Variants in NEK11 observed in about 807,000 individuals in gnomAD.
The protein encoded by NEK11 is serine/threonine-protein kinase Nek11.
NEK11 carries 72 observed loss-of-function variants against 80.7 expected under a neutral mutation model. That is an observed-to-expected ratio of 0.89 (90% CI 0.74 to 1.08). The LOEUF (loss-of-function observed/expected upper bound fraction) is 1.08. NEK11 is among the 50% of genes least tolerant of loss of function. NEK11 has a pLI of 0.00. For missense variants in NEK11, 764 were observed against 763.6 expected (o/e 1.00, Z -0.01); for synonymous variants, 251 against 260.7 (o/e 0.96, Z 0.36).
intron 16 of NEK11, among the ~76,000 whole-genome samples, chr3:131,267,150 A>G (rs1243935751): frequency 6.6e-6 from 1 of 152,218 alleles, no homozygotes; most frequent in Non-Finnish European, 1.5e-5. Context: ...CCAATTTGCT[A>G]GTCCATGTCT....
At chr3:131,087,157 G>A (rs4682648) in intron 4 of NEK11, among the ~76,000 whole-genome samples, 42,363 of 151,200 alleles carry the variant, frequency 0.28, 6,317 homozygotes, top group South Asian at 0.39. Flanking sequence ...TAGAAGTAAA[G>A]CTAGTTTTTA....
chr3:131,032,371 T>C (rs764240488), intron 3 of NEK11, among the ~76,000 whole-genome samples: 1 of 152,242 alleles, frequency 6.6e-6, no homozygotes, highest in Non-Finnish European at 1.5e-5. Context: ...GTAGCCACAA[T>C]GGACTGCTAA....
intron 14 of NEK11, among the ~76,000 whole-genome samples, chr3:131,219,122 A>G (rs575355896): frequency 1.3e-5 from 2 of 152,356 alleles, no homozygotes; most frequent in Non-Finnish European, 2.9e-5. Context: ...TATTCACAAT[A>G]GCAAAGACCT....
chr3:131,061,711 T>G (rs2070903405), intron 3 of NEK11, among the ~76,000 whole-genome samples: 1 of 152,192 alleles, frequency 6.6e-6, no homozygotes, highest in Admixed American at 6.5e-5. Context: ...AAAATAAGAC[T>G]TAGCATATTG....
intron 5 of NEK11, among the ~76,000 whole-genome samples, chr3:131,131,153 C>T (rs542171791): frequency 5.9e-5 from 9 of 152,306 alleles, no homozygotes; most frequent in Non-Finnish European, 1.2e-4. Context: ...TTTTCATCTA[C>T]ATTCATCAGA....
intron 3 of NEK11, among the ~76,000 whole-genome samples, chr3:131,048,322 T>C (rs2067761212): frequency 6.6e-6 from 1 of 152,128 alleles, no homozygotes; most frequent in Admixed American, 6.5e-5. Context: ...GGAAACTGCG[T>C]TTGGTCAAAA....
intron 16 of NEK11, among the ~76,000 whole-genome samples, chr3:131,260,115 G>A (rs111556063): frequency 1.3e-5 from 2 of 152,146 alleles, no homozygotes; most frequent in African/African-American, 4.8e-5. Context: ...CATCTGGAGA[G>A]GTGGAGAAAT....
In NEK11 at chr3:131,228,682, C is replaced by G. The variant is rs2095265262; in HGVS notation, c.1554C>G (p.Asn518Lys). The G allele has an allele frequency of 6.2e-7, 1 of 1,612,264 alleles. No homozygotes were observed. Among genetic ancestry groups the G allele is most frequent in the Non-Finnish European group, 8.5e-7 (1 of 1,178,922 alleles). Residue 518 changes from asparagine to lysine, a missense_variant, in exon 15 of 18, where the codon AAC (asparagine) becomes AAG (lysine). Physicochemically the swap from Asn to Lys is moderately conservative, Grantham distance 94. Coordinates refer to ENST00000383366, the MANE Select transcript of NEK11 (RefSeq NM_024800.5). Reference protein sequence around the residue: ...NEGSQPAYRTNQQDSDIEALA... With the variant: ...NEGSQPAYRTKQQDSDIEALA... ...GATCCCAGCCTGCTTACAGAACAAA[C>G]CAACAGGTATGTAATGCTCCCTGTC... is the stretch of plus-strand genomic sequence containing the variant.
At chr3:131,074,897 C>G (rs927506971) in intron 3 of NEK11, among the ~76,000 whole-genome samples, 33 of 152,292 alleles carry the variant, frequency 2.2e-4, no homozygotes, top group African/African-American at 7.0e-4. Context: ...TGGGACTGAG[C>G]TCTCTTGGAG....
At chr3:131,283,572 C>A (rs1257027560) in intron 17 of NEK11, among the ~76,000 whole-genome samples, 3 of 151,246 alleles carry the variant, frequency 2.0e-5, no homozygotes, top group African/African-American at 7.3e-5. Flanking sequence ...TACTATTTTA[C>A]TATTTCAAGA....
chr3:131,249,430 C>T (rs778553654), intron 16 of NEK11, among the ~76,000 whole-genome samples: 70 of 152,060 alleles, frequency 4.6e-4, no homozygotes, highest in Non-Finnish European at 9.3e-4. Flanking sequence ...GAGAAATAGA[C>T]CCCAGGTGCC....
At chr3:131,178,069 A>G (rs917779549) in intron 14 of NEK11, among the ~76,000 whole-genome samples, 1 of 152,212 alleles carries the variant, frequency 6.6e-6, no homozygotes, top group Admixed American at 6.5e-5. Context: ...AAGTATTTGT[A>G]TATCTAAACA....
At chr3:131,176,265 G>T (rs2093010139) in intron 14 of NEK11, among the ~76,000 whole-genome samples, 1 of 152,132 alleles carries the variant, frequency 6.6e-6, no homozygotes, top group Non-Finnish European at 1.5e-5. Flanking sequence ...GGAGCTGCCT[G>T]GCTCTTTAGT....
intron 3 of NEK11, among the ~76,000 whole-genome samples, chr3:131,074,313 A>C (rs1294284510): frequency 6.6e-6 from 1 of 152,118 alleles, no homozygotes; most frequent in Non-Finnish European, 1.5e-5. Flanking sequence ...AAAAATGGGG[A>C]ATAAATGGGT....
At chr3:131,275,344 A>G (rs1162649334) in intron 17 of NEK11, among the ~76,000 whole-genome samples, 7 of 152,222 alleles carry the variant, frequency 4.6e-5, no homozygotes, top group Non-Finnish European at 7.3e-5. Context: ...AGACTTCATT[A>G]CTTTTGCAAA....
At chr3:131,188,008 A>G (rs1471601511) in intron 14 of NEK11, among the ~76,000 whole-genome samples, 4 of 152,184 alleles carry the variant, frequency 2.6e-5, no homozygotes, top group African/African-American at 9.6e-5. Context: ...CATTAGTGAC[A>G]TCTAGGAGCA....
intron 14 of NEK11, among the ~76,000 whole-genome samples, chr3:131,177,394 A>G (rs2093087036): frequency 6.6e-6 from 1 of 152,210 alleles, no homozygotes; most frequent in Non-Finnish European, 1.5e-5. Context: ...TTGATATAAC[A>G]CATATGTTAA....
chr3:131,337,122 C>T (rs1267572885), intron 17 of NEK11, among the ~76,000 whole-genome samples: 2 of 152,154 alleles, frequency 1.3e-5, no homozygotes, highest in Non-Finnish European at 2.9e-5. Context: ...TGGGTATATA[C>T]CCAAAGGACT....
chr3:131,130,199 A>G (rs534554294), intron 5 of NEK11, among the ~76,000 whole-genome samples: 6 of 152,310 alleles, frequency 3.9e-5, no homozygotes, highest in Admixed American at 1.3e-4. Context: ...GTACTAATGT[A>G]AATATAGTTT....
Sources: gnomAD v4.1 joint callset for allele counts (sites outside exome capture counted in the v4.1 genomes callset) on GRCh38, gnomAD v4.1.1 for gene constraint, MANE v1.5 for transcripts, NCBI Gene and HGNC (gene_info 2026-07-23, HGNC 2026-07-21) for gene names.